The following DMXL1 variants were observed in gnomAD, a reference collection of about 807,000 sequenced individuals.
DMXL1 encodes the protein Dmx like 1, also known as dmX-like protein 1.
In DMXL1, 99 loss-of-function variants were observed where a neutral mutation model predicts 319.2. That is an observed-to-expected ratio of 0.31 (90% CI 0.26 to 0.37). DMXL1 has a LOEUF of 0.37. Among genes scored for constraint, DMXL1 ranks in the 10% least tolerant of loss-of-function variants. DMXL1 has a pLI of 1.00. For missense variants in DMXL1, 3,745 were observed against 3,595.6 expected (o/e 1.04, Z -1.06); for synonymous variants, 1,385 against 1,235.2 (o/e 1.12, Z -2.54).
chr5:119,137,029 T>C (rs546452339), intron 13 of DMXL1, among the ~76,000 whole-genome samples: 31 of 152,246 alleles, frequency 2.0e-4, no homozygotes, highest in African/African-American at 7.0e-4. Context: ...ACCATGTGCC[T>C]GGAAAAGCCA....
intron 33 of DMXL1, among the ~76,000 whole-genome samples, chr5:119,205,074 A>C (rs1781516740): frequency 6.6e-6 from 1 of 152,172 alleles, no homozygotes; most frequent in Non-Finnish European, 1.5e-5. Flanking sequence ...GCTGACTTAG[A>C]AGACTTTTGA....
At position 119,103,084 on chromosome 5, in the gene DMXL1, T is replaced by G. The variant is rs569226668; in HGVS notation, c.285+1078T>G. On this transcript the variant is annotated intron_variant, in intron 3 of 43. Coordinates refer to ENST00000539542, the MANE Select transcript of DMXL1 (RefSeq NM_001290321.3). ...ACTCCCAAACCTAAAATTAAAAGAT[T>G]TTTTTTTTTTTTAAAAAAAAAGAAA... Among the ~76,000 whole-genome samples, 11 of 147,272 alleles carry G rather than the reference T, an allele frequency of 7.5e-5. 1 individual carries two copies. The South Asian group carries it at 2.3e-3, about 31-fold the overall frequency.
intron 28 of DMXL1, 76 bp from the exon 29 acceptor site, chr5:119,189,632 A>T: frequency 7.4e-7 from 1 of 1,353,840 alleles, no homozygotes; most frequent in African/African-American, 1.4e-5. Flanking sequence ...AGTTAACCTT[A>T]GCTCTTATGT....
intron 10 of DMXL1, among the ~76,000 whole-genome samples, chr5:119,131,018 G>A (rs1445797765): frequency 8.2e-6 from 1 of 122,284 alleles, no homozygotes; most frequent in East Asian, 2.5e-4. Flanking sequence ...TTTTTTTTTT[G>A]CCAGTTGATA....
chr5:119,127,817 G>C (rs968191891), intron 9 of DMXL1: 3 of 269,930 alleles, frequency 1.1e-5, no homozygotes, highest in African/African-American at 4.6e-5. Context: ...TATGTTCTTA[G>C]ATTTCTTTCA....
rs1027167301 is a variant in DMXL1, at chr5:119,152,032, C to T, written c.4698C>T (p.His1566=). The change falls in exon 19 of 44, where the codon CAC becomes CAT. Residue 1566 remains histidine (H), a synonymous_variant. Coordinates refer to ENST00000539542, the MANE Select transcript of DMXL1 (RefSeq NM_001290321.3). ...CAGCCTATCGAGCTCAACTCCTTCA[C>T]CAAGGTGATTTTGATAGTAATCTAT... ...SLPAYRAQLL[H]QGLSTSHFAW... 9 of 1,604,004 alleles carry T rather than the reference C, an allele frequency of 5.6e-6. No individual in the cohort carries two copies. Among genetic ancestry groups the T allele is most frequent in the African/African-American group, 1.3e-5 (1 of 74,540 alleles).
At chr5:119,177,332 T>C (rs1167873775) in intron 26 of DMXL1, 25 bp from the exon 27 acceptor site, 3 of 1,414,946 alleles carry the variant, frequency 2.1e-6, no homozygotes, top group South Asian at 1.5e-5. Context: ...TTATCATAGA[T>C]TTAAATATTG....
intron 9 of DMXL1, among the ~76,000 whole-genome samples, chr5:119,126,219 G>A (rs1372249418): frequency 2.0e-5 from 3 of 152,144 alleles, no homozygotes; most frequent in South Asian, 2.1e-4. Context: ...GGAGGCGGAG[G>A]TTGTAGTGAG....
intron 9 of DMXL1, among the ~76,000 whole-genome samples, chr5:119,123,321 G>GGGGAGAAGGAGAGGA (rs1762655330): frequency 1.3e-5 from 1 of 74,894 alleles, no homozygotes; most frequent in African/African-American, 5.8e-5. Context: ...ACCGTGGAAA[G>GGGGAGAAGGAGAGGA]GGGAGAGGGA....
At chr5:119,220,883 G>C in intron 36 of DMXL1, 57 bp from the exon 37 acceptor site, 2 of 1,575,994 alleles carry the variant, frequency 1.3e-6, no homozygotes, top group East Asian at 4.5e-5. Flanking sequence ...GACCTTTCAA[G>C]TGTAAAAAAG....
At chr5:119,075,241 CTTT>C (rs201088042) in intron 1 of DMXL1, among the ~76,000 whole-genome samples, 17 of 122,658 alleles carry the variant, frequency 1.4e-4, no homozygotes, top group South Asian at 5.2e-4. Context: ...CTTTTTTTTT[CTTT>C]TTTTTTTTTT....
intron 1 of DMXL1, among the ~76,000 whole-genome samples, chr5:119,077,752 TAA>T (rs1491117280): frequency 7.0e-4 from 63 of 90,326 alleles, no homozygotes; most frequent in African/African-American, 3.1e-3. Context: ...ATTTATTTTT[TAA>T]GTGTGTGTGT....
At position 119,233,398 on chromosome 5, in the gene DMXL1, A is replaced by G. The variant is rs771662021; in HGVS notation, c.8397A>G (p.Gln2799=). 1 of 1,613,172 alleles carries G rather than the reference A, an allele frequency of 6.2e-7. No individual in the cohort carries two copies. The highest frequency in any genetic ancestry group is 8.5e-7 in the Non-Finnish European group (1 of 1,179,332). Reference sequence around the variant, plus strand: ...TGTTTGAATGGGGCCATTCTCAACAAATAACCTGTTTTCGATCTGGTGGCA... The same window carrying G: ...TGTTTGAATGGGGCCATTCTCAACAGATAACCTGTTTTCGATCTGGTGGCA... ...VRMFEWGHSQ[Q]ITCFRSGGNS... The change falls in exon 39 of 44, where the codon CAA becomes CAG. Residue 2799 remains glutamine (Q), a synonymous_variant. Coordinates refer to ENST00000539542, the MANE Select transcript of DMXL1 (RefSeq NM_001290321.3).
Position 119,147,486 on chromosome 5 carries a change from G to A in DMXL1, c.2911+16G>A. 6.3e-7 allele frequency: 1 copy of A among 1,575,382 alleles called. No homozygotes were observed. Among genetic ancestry groups the A allele is most frequent in the Non-Finnish European group, 8.7e-7 (1 of 1,146,188 alleles). ...CCATCAGCAGGTTTGTAAATTTTAT[G>A]AAAAGAGACTAATTTTGTAACACAT... On this transcript the variant is annotated intron_variant, in intron 17 of 43. Transcript: ENST00000539542.
chr5:119,124,754 T>C (rs1242010824), intron 9 of DMXL1, among the ~76,000 whole-genome samples: 2 of 151,808 alleles, frequency 1.3e-5, no homozygotes, highest in South Asian at 4.2e-4. Context: ...TTAGTAGAGA[T>C]GGTGTTTCAC....
chr5:119,163,931 C>T (rs574185488), intron 19 of DMXL1, among the ~76,000 whole-genome samples: 4 of 152,146 alleles, frequency 2.6e-5, no homozygotes, highest in East Asian at 1.9e-4. Flanking sequence ...AGACTGGTCT[C>T]GAACTTCTGA....
intron 32 of DMXL1, 140 bp from the exon 33 acceptor site, chr5:119,203,179 G>A: frequency 1.9e-6 from 1 of 520,050 alleles, no homozygotes. Context: ...TTAAGGAAAA[G>A]GTTGGCCATA....
Position 119,178,131 on chromosome 5 carries a change from A to G in DMXL1, c.7022A>G (p.Asn2341Ser), listed in dbSNP as rs565374554. Reference protein sequence around the residue: ...FIHGLATHSSNELFRIVAHPL... With the variant: ...FIHGLATHSSSELFRIVAHPL... ...CATGGCCTGGCCACACATTCAAGTA[A>G]TGAGCTATTTCGGATTGTGGCCCAT... Residue 2341 changes from asparagine to serine, a missense_variant, in exon 28 of 44, where the codon AAT (asparagine) becomes AGT (serine). By Grantham distance (46) the Asn-to-Ser change is conservative. Transcript: ENST00000539542. 2.5e-5 allele frequency: 40 copies of G among 1,613,972 alleles called. No individual in the cohort carries two copies. The highest frequency in any genetic ancestry group is 3.4e-5 in the Non-Finnish European group (40 of 1,179,868).
chr5:119,077,359 A>G (rs555205122), intron 1 of DMXL1, among the ~76,000 whole-genome samples: 2 of 151,794 alleles, frequency 1.3e-5, no homozygotes, highest in African/African-American at 2.4e-5. Context: ...ATAACCTTCT[A>G]TATTATAGTC....
Sources: allele counts gnomAD v4.1 joint callset (sites outside exome capture counted in the v4.1 genomes callset), GRCh38; gene constraint gnomAD v4.1.1; transcripts MANE v1.5; gene names NCBI Gene and HGNC (gene_info 2026-07-23, HGNC 2026-07-21).